The following DNM1 variants were observed in gnomAD, a reference collection of about 807,000 sequenced individuals.
DNM1 encodes the protein dynamin-1.
In DNM1, 29 loss-of-function variants were observed where a neutral mutation model predicts 104.6. That is an observed-to-expected ratio of 0.28 (90% CI 0.21 to 0.38). The LOEUF (loss-of-function observed/expected upper bound fraction) is 0.38. Ranked by LOEUF, DNM1 falls within the 10% of genes least tolerant of loss-of-function variation. The probability of loss-of-function intolerance (pLI) is 1.00; values close to 1 mark genes in which losing one functional copy is unlikely to be tolerated. For missense variants in DNM1, 640 were observed against 1,189.4 expected (o/e 0.54, Z 6.79); for synonymous variants, 445 against 475.8 (o/e 0.94, Z 0.84).
intron 14 of DNM1, among the ~76,000 whole-genome samples, chr9:128,241,286 G>T (rs575149291): frequency 2.0e-5 from 3 of 152,110 alleles, no homozygotes; most frequent in Non-Finnish European, 4.4e-5. Flanking sequence ...TCATCCTCTC[G>T]ATCTGACCCA....
At chr9:128,233,928 C>T in intron 10 of DNM1, 93 bp from the exon 11 acceptor site, 1 of 1,163,008 alleles carries the variant, frequency 8.6e-7, no homozygotes, top group Non-Finnish European at 1.3e-6. Context: ...TGCCTCCCAC[C>T]CTGCGCCGCG....
rs924327383 is a variant in DNM1 at position 128,228,546 on chromosome 9, A to G, written c.1335+4157A>G. ...ATCACTGCTTTCCTTTTGGAATGAG[A>G]GTCAAAGTGTTTCATGGTTTTTAAA... On this transcript the variant is annotated intron_variant, in intron 10 of 21. Coordinates refer to ENST00000372923, the MANE Select transcript of DNM1 (RefSeq NM_004408.4). Among the ~76,000 whole-genome samples the G allele has an allele frequency of 5.3e-5, 8 of 152,310 alleles. No individual in the cohort carries two copies. The East Asian group carries it at 1.5e-3, about 29-fold the overall frequency.
chr9:128,242,320 A>G lies in DNM1; in HGVS notation c.1646A>G (p.Asn549Ser), dbSNP rs2131262599. 10 of 1,607,840 alleles carry G rather than the reference A, an allele frequency of 6.2e-6. No individual in the cohort carries two copies. Among genetic ancestry groups the G allele is most frequent in the Non-Finnish European group, 7.7e-6 (9 of 1,174,204 alleles). ...TACTGGTTTGTGCTGACTGCTGAGA[A>G]TCTGTCCTGGTACAAGGATGATGAG... ...KEYWFVLTAE[N>S]LSWYKDDEEK... Residue 549 changes from asparagine (N) to serine (S), a missense_variant, in exon 15 of 22, where the codon AAT (asparagine) becomes AGT (serine). Transcript: ENST00000372923.
intron 10 of DNM1, among the ~76,000 whole-genome samples, chr9:128,230,632 A>G (rs1027080206): frequency 2.6e-5 from 4 of 151,116 alleles, no homozygotes; most frequent in Non-Finnish European, 5.9e-5. Flanking sequence ...TTGTATTTTT[A>G]GTAGAGACGA....
rs557363992 is a variant in DNM1, at chr9:128,230,374, G to A, written c.1336-3647G>A. The stretch of plus-strand genomic sequence containing the variant: ...ATGTGAATGATAAAATCTCAAAGGC[G>A]TATTCACCATAGGAATCTTTTTATT... On this transcript the variant is annotated intron_variant, in intron 10 of 21. Transcript: ENST00000372923. Among the ~76,000 whole-genome samples, 19 of 149,376 alleles carry A rather than the reference G, an allele frequency of 1.3e-4. No individual in the cohort carries two copies. The East Asian group carries it at 2.7e-3, about 21-fold the overall frequency.
At chr9:128,234,418 A>G (rs577101579) in intron 11 of DNM1, among the ~76,000 whole-genome samples, 2 of 152,358 alleles carry the variant, frequency 1.3e-5, no homozygotes, top group Admixed American at 1.3e-4. Flanking sequence ...GCTGGAGTGC[A>G]GTGGTGTGAT....
rs529943372 is a variant in DNM1, at chr9:128,220,441, A to C, written c.849+100A>C. On this transcript the variant is annotated intron_variant, in intron 6 of 21. Transcript: ENST00000372923. This position sits in a 1 kb window ranked among gnomAD's most constrained non-coding sequence, Gnocchi z 5.2. ...GAACAGCAGAGGTTAGCCTCTCCGT[A>C]GTGCAGATAGACAAACTGAGCCTCA... 3 of 1,436,412 alleles carry C rather than the reference A, an allele frequency of 2.1e-6. No homozygotes were observed. In the African/African-American group the frequency reaches 4.2e-5, roughly 20 times the overall value. The allele number at this position is 1,436,412 out of a possible 1,614,324, so 89.0% of individuals were successfully genotyped here.
rs574944635 is a variant in DNM1 at position 128,248,913 on chromosome 9, C to T, written c.2076+160C>T. ...TGTCCAATAGAAATATCATGAGGGG[C>T]TGGGCGCGGTGGCTCACACCTGTAA... On this transcript the variant is annotated intron_variant, in intron 19 of 21. Coordinates refer to ENST00000372923, the MANE Select transcript of DNM1 (RefSeq NM_004408.4). The surrounding 1 kb of genome is among the most constrained non-coding windows in gnomAD (Gnocchi z 5.6). Among the ~76,000 whole-genome samples, 1 of 152,274 alleles carries T rather than the reference C, an allele frequency of 6.6e-6. No individual in the cohort carries two copies. The highest frequency in any genetic ancestry group is 1.9e-4 in the East Asian group (1 of 5,190).
rs1451730496 is a variant in DNM1, at chr9:128,247,847, T to A, written c.1894-77T>A. 6.3e-7 allele frequency: 1 copy of A among 1,581,070 alleles called. No homozygotes were observed. Among genetic ancestry groups the A allele is most frequent in the Non-Finnish European group, 8.6e-7 (1 of 1,159,324 alleles). On this transcript the variant is annotated intron_variant, in intron 17 of 21. Coordinates refer to ENST00000372923, the MANE Select transcript of DNM1 (RefSeq NM_004408.4). The surrounding 1 kb of genome is among the most constrained non-coding windows in gnomAD (Gnocchi z 5.1). ...TCCCAGGTTCACTCAATCTCTCCCC[T>A]TTTCCTCTCTGTGTTTCCTTCGGCT...
chr9:128,254,561 G>GC lies in DNM1; in HGVS notation c.2535-92dup. ...CCGGCCCTCCCACCACTGCTGCGGC[G>GC]CGGCCGGCCCCGGCCGTGTGCTGCG... On this transcript the variant is annotated intron_variant, in intron 21 of 21. Coordinates refer to ENST00000372923, the MANE Select transcript of DNM1 (RefSeq NM_004408.4). This position sits in a 1 kb window ranked among gnomAD's most constrained non-coding sequence, Gnocchi z 6.1. 6.4e-7 allele frequency: 1 copy of GC among 1,566,754 alleles called. No homozygotes were observed. Among genetic ancestry groups the GC allele is most frequent in the Non-Finnish European group, 8.6e-7 (1 of 1,162,304 alleles).
intron 10 of DNM1, among the ~76,000 whole-genome samples, chr9:128,229,440 T>G (rs1351762081): frequency 6.6e-6 from 1 of 151,206 alleles, no homozygotes; most frequent in Non-Finnish European, 1.5e-5. Context: ...CTACAAAAAA[T>G]AAAAAGATTA....
intron 10 of DNM1, chr9:128,233,786 G>A (rs1264214471): frequency 1.1e-5 from 6 of 564,332 alleles, no homozygotes; most frequent in South Asian, 1.0e-4. Context: ...AGTGAAGAGG[G>A]CCCGGAACCA....
chr9:128,253,185 G>A lies in DNM1; in HGVS notation c.2535-1469G>A, dbSNP rs1234047172. On this transcript the variant is annotated intron_variant, in intron 21 of 21. Transcript: ENST00000372923. The surrounding 1 kb of genome is among the most constrained non-coding windows in gnomAD (Gnocchi z 5.9). ...GCTGCATGAACGGTGTGTCTGCCCC[G>A]CTGCACTAGCTCCACACGGGGCGCG... 96 of 1,581,258 alleles carry A rather than the reference G, an allele frequency of 6.1e-5. No individual in the cohort carries two copies. Among genetic ancestry groups the A allele is most frequent in the Middle Eastern group, 4.4e-4 (2 of 4,562 alleles).
At chr9:128,204,039 A>C in intron 1 of DNM1, 2 of 153,972 alleles carry the variant, frequency 1.3e-5, no homozygotes, top group Non-Finnish European at 2.9e-5. Flanking sequence ...CGTCCCCCAC[A>C]CCGGGCTCAA....
rs187100578 is a variant in DNM1, at chr9:128,249,635, A to G, written c.2077-480A>G. Among the ~76,000 whole-genome samples the G allele has an allele frequency of 3.3e-5, 5 of 151,242 alleles. No homozygotes were observed. In the East Asian group the frequency reaches 7.8e-4, roughly 24 times the overall value. The stretch of plus-strand genomic sequence containing the variant: ...TGTGCCATTACACTCCAGCGTGGGT[A>G]ACAAGAGTGAAACTCCGTCTCAAAA... On this transcript the variant is annotated intron_variant, in intron 19 of 21. Transcript: ENST00000372923.
rs1023274228 is a variant in DNM1, at chr9:128,243,439, C to G, written c.1671+1094C>G. On this transcript the variant is annotated intron_variant, in intron 15 of 21. Transcript: ENST00000372923. This position sits in a 1 kb window ranked among gnomAD's most constrained non-coding sequence, Gnocchi z 4.0. The stretch of plus-strand genomic sequence containing the variant: ...CCTGTGATTTTGGCCTCCAAGCCCC[C>G]TCCCAGGTCCCTGTCTCCTCCAAGT... Among the ~76,000 whole-genome samples, 1 of 152,194 alleles carries G rather than the reference C, an allele frequency of 6.6e-6. No homozygotes were observed. The highest frequency in any genetic ancestry group is 2.4e-5 in the African/African-American group (1 of 41,450).
Position 128,254,297 on chromosome 9 carries a change from G to T in DNM1, c.2535-357G>T. On this transcript the variant is annotated intron_variant, in intron 21 of 21. Transcript: ENST00000372923. This position sits in a 1 kb window ranked among gnomAD's most constrained non-coding sequence, Gnocchi z 6.1. ...GGCAAGGGGTGGCCCCAGGCCAGTGGGTTGGAAGACAGGGTGACCAGAGAA... is the reference window on the plus strand; with the variant it reads ...GGCAAGGGGTGGCCCCAGGCCAGTGTGTTGGAAGACAGGGTGACCAGAGAA... 2 of 1,385,902 alleles carry T rather than the reference G, an allele frequency of 1.4e-6. No homozygotes were observed. Among genetic ancestry groups the T allele is most frequent in the Non-Finnish European group, 1.9e-6 (2 of 1,080,188 alleles). 85.9% of individuals were successfully genotyped at this position (1,385,902 alleles called of 1,614,324 possible).
At chr9:128,246,172 T>TG (rs1242811440) in intron 15 of DNM1, among the ~76,000 whole-genome samples, 1 of 152,092 alleles carries the variant, frequency 6.6e-6, no homozygotes, top group African/African-American at 2.4e-5. Context: ...ACCAGCCCCC[T>TG]GGCCCCCGGC....
chr9:128,225,450 C>T (rs531373673), intron 10 of DNM1, among the ~76,000 whole-genome samples: 6 of 152,290 alleles, frequency 3.9e-5, no homozygotes, highest in East Asian at 1.9e-4. Flanking sequence ...GGGAATGGAC[C>T]CCCCTGGAGT....
Sources: gnomAD v4.1 joint callset for allele counts (sites outside exome capture counted in the v4.1 genomes callset) on GRCh38, gnomAD v4.1.1 for gene constraint, Gnocchi (gnomAD v3.1) non-coding constraint, MANE v1.5 for transcripts, NCBI Gene and HGNC (gene_info 2026-07-23, HGNC 2026-07-21) for gene names.